CLVS1: variants seen among roughly 807,000 people sequenced by gnomAD.
CLVS1 encodes clavesin 1.
CLVS1 carries 10 observed loss-of-function variants against 33.1 expected under a neutral mutation model. The observed-to-expected ratio is 0.30, with a 90% CI of 0.19 to 0.51. The LOEUF is 0.51. CLVS1 is among the 20% of genes least tolerant of loss of function. The probability of loss-of-function intolerance (pLI) is 0.97; values close to 1 mark genes in which losing one functional copy is unlikely to be tolerated. For synonymous variants in CLVS1, 163 were observed against 166.1 expected (o/e 0.98, Z 0.14); for missense variants, 343 against 433.4 (o/e 0.79, Z 1.85).
At chr8:60,982,613 C>T in the CLVS1 span, among the ~76,000 whole-genome samples, 1 of 152,114 alleles carries the variant, frequency 6.6e-6, no homozygotes, top group Non-Finnish European at 1.5e-5. Flanking sequence ...CACCACTGCC[C>T]CCAGCCCCTG....
At chr8:61,282,734 A>C (rs898788270) in intron 2 of CLVS1, among the ~76,000 whole-genome samples, 1 of 152,214 alleles carries the variant, frequency 6.6e-6, no homozygotes, top group African/African-American at 2.4e-5. Flanking sequence ...TATTACTATA[A>C]ATTGTGTATC....
chr8:61,499,168 G>A (rs1804431892), intron 5 of CLVS1, among the ~76,000 whole-genome samples: 1 of 151,904 alleles, frequency 6.6e-6, no homozygotes, highest in African/African-American at 2.4e-5. Context: ...GTTATTTTGA[G>A]TGTCTTTATT....
At chr8:61,388,094 T>G (rs1814158915) in intron 3 of CLVS1, among the ~76,000 whole-genome samples, 1 of 152,010 alleles carries the variant, frequency 6.6e-6, no homozygotes, top group Admixed American at 6.6e-5. Context: ...AAATCATAAG[T>G]GTGTAGCTCA....
At chr8:61,130,599 T>G (rs1293606478) in intron 1 of CLVS1, among the ~76,000 whole-genome samples, 2 of 152,216 alleles carry the variant, frequency 1.3e-5, no homozygotes, top group Non-Finnish European at 2.9e-5. Flanking sequence ...AACATTTGTT[T>G]TGCTTTGTTT....
the CLVS1 span, among the ~76,000 whole-genome samples, chr8:61,001,063 A>G: frequency 1.3e-5 from 2 of 152,210 alleles, no homozygotes; most frequent in East Asian, 1.9e-4. Flanking sequence ...TTATTATTTT[A>G]GAGCATCTCT....
intron 5 of CLVS1, among the ~76,000 whole-genome samples, chr8:61,459,231 G>T (rs1489594521): frequency 6.6e-6 from 1 of 152,062 alleles, no homozygotes; most frequent in Non-Finnish European, 1.5e-5. Context: ...AAAAACAGTT[G>T]GATCCAAGTG....
chr8:61,076,403 C>T (rs1046893196), intron 1 of CLVS1, among the ~76,000 whole-genome samples: 2 of 152,172 alleles, frequency 1.3e-5, no homozygotes, highest in African/African-American at 4.8e-5. Flanking sequence ...CAAGAAAGGG[C>T]TAAGATCACA....
chr8:61,178,185 G>C (rs1807154970), intron 2 of CLVS1, among the ~76,000 whole-genome samples: 1 of 152,074 alleles, frequency 6.6e-6, no homozygotes, highest in African/African-American at 2.4e-5. Flanking sequence ...CACAGCACAA[G>C]AACATCTTGA....
chr8:61,068,229 G>GTATATATACATA, intron 1 of CLVS1, among the ~76,000 whole-genome samples: 1 of 101,010 alleles, frequency 9.9e-6, no homozygotes, highest in African/African-American at 3.6e-5. Context: ...GTATGTATGT[G>GTATATATACATA]TATATATATA....
chr8:61,334,221 CCAGCG>C (rs1333287958), intron 2 of CLVS1, among the ~76,000 whole-genome samples: 1 of 152,172 alleles, frequency 6.6e-6, no homozygotes, highest in Non-Finnish European at 1.5e-5. Flanking sequence ...CTGATGCCAG[CCAGCG>C]GCTGAGTAGG....
At chr8:61,085,440 C>T (rs186562006) in intron 1 of CLVS1, among the ~76,000 whole-genome samples, 15 of 152,184 alleles carry the variant, frequency 9.9e-5, no homozygotes, top group African/African-American at 3.6e-4. Flanking sequence ...CCCCGACAAC[C>T]TCTCAATGTT....
At chr8:61,294,488 AT>A (rs1323930626) in intron 1 of CLVS1, among the ~76,000 whole-genome samples, 1 of 152,154 alleles carries the variant, frequency 6.6e-6, no homozygotes, top group Non-Finnish European at 1.5e-5. Context: ...CATAATTATA[AT>A]ATCAACAAGA....
chr8:60,996,561 C>T, the CLVS1 span, among the ~76,000 whole-genome samples: 2 of 152,160 alleles, frequency 1.3e-5, no homozygotes, highest in Non-Finnish European at 2.9e-5. Context: ...ACCACCAGGC[C>T]CACCTTGGAC....
intron 5 of CLVS1, among the ~76,000 whole-genome samples, chr8:61,470,721 GTC>G (rs1330269751): frequency 6.6e-6 from 1 of 152,190 alleles, no homozygotes; most frequent in African/African-American, 2.4e-5. Context: ...TATGGTAGAA[GTC>G]TCTCTGCAAT....
intron 2 of CLVS1, among the ~76,000 whole-genome samples, chr8:61,227,511 A>G (rs376265696): frequency 7.2e-5 from 11 of 152,298 alleles, no homozygotes; most frequent in African/African-American, 2.6e-4. Flanking sequence ...AATCCAACTT[A>G]AAAAGAAATA....
rs549955338 is a variant in CLVS1, at chr8:61,240,894, G to GTTTTTTTTTTTTTTTTTTTTTTTT, written c.-151-58766_-151-58765insTTTTTTTTTTTTTTTTTTTTTTTT. On this transcript the variant is annotated intron_variant, in intron 2 of 2. Coordinates refer to the CLVS1 transcript ENST00000522621. ...CTAAAATGAATGATGTTTGCTGTAG[G>GTTTTTTTTTTTTTTTTTTTTTTTT]TTTTTTTTTTTTTTTTTAAAATAGA... Among the ~76,000 whole-genome samples the GTTTTTTTTTTTTTTTTTTTTTTTT allele has an allele frequency of 2.3e-5, 3 of 130,614 alleles. 1 individual carries two copies. Among genetic ancestry groups the GTTTTTTTTTTTTTTTTTTTTTTTT allele is most frequent in the African/African-American group, 9.5e-5 (3 of 31,484 alleles). 85.7% of individuals were successfully genotyped at this position (130,614 alleles called of 152,430 possible).
intron 2 of CLVS1, among the ~76,000 whole-genome samples, chr8:61,169,050 C>T (rs1055338452): frequency 1.3e-5 from 2 of 152,194 alleles, no homozygotes; most frequent in Admixed American, 6.5e-5. Context: ...TGAGCTACAA[C>T]TGTTCAATTG....
chr8:61,315,814 T>C (rs567929522), intron 2 of CLVS1, among the ~76,000 whole-genome samples: 12 of 152,270 alleles, frequency 7.9e-5, no homozygotes, highest in African/African-American at 2.9e-4. Flanking sequence ...TGTGTCATGG[T>C]GGTTTGCTGC....
At chr8:61,333,275 A>G (rs1248427546) in intron 2 of CLVS1, among the ~76,000 whole-genome samples, 1 of 152,208 alleles carries the variant, frequency 6.6e-6, no homozygotes, top group African/African-American at 2.4e-5. Flanking sequence ...TAAACACCAT[A>G]GTAAGAAGTA....
Sources: allele counts gnomAD v4.1 joint callset (sites outside exome capture counted in the v4.1 genomes callset), GRCh38; gene constraint gnomAD v4.1.1; transcripts MANE v1.5; gene names NCBI Gene and HGNC (gene_info 2026-07-23, HGNC 2026-07-21).